LSAMP: variants seen among roughly 807,000 people sequenced by gnomAD.
LSAMP encodes the protein limbic system-associated membrane protein.
LSAMP carries 7 observed loss-of-function variants against 38.6 expected under a neutral mutation model. The observed-to-expected ratio is 0.18, with a 90% confidence interval of 0.10 to 0.34. The LOEUF is 0.34. Ranked by LOEUF, LSAMP falls within the 10% of genes least tolerant of loss-of-function variation. The probability of loss-of-function intolerance (pLI) is 1.00; values close to 1 mark genes in which losing one functional copy is unlikely to be tolerated. For synonymous variants in LSAMP, 154 were observed against 166.8 expected (o/e 0.92, Z 0.59); for missense variants, 313 against 420.0 (o/e 0.75, Z 2.23).
intron 1 of LSAMP, among the ~76,000 whole-genome samples, chr3:116,315,812 C>T (rs960728279): frequency 2.6e-5 from 4 of 152,122 alleles, no homozygotes; most frequent in African/African-American, 4.8e-5. Flanking sequence ...AGCATGGCAC[C>T]ATCACTCAAT....
intron 3 of LSAMP, among the ~76,000 whole-genome samples, chr3:115,935,244 T>G (rs1268834919): frequency 6.6e-6 from 1 of 152,190 alleles, no homozygotes; most frequent in Admixed American, 6.5e-5. Flanking sequence ...AGTTTTGTAC[T>G]GTGCTCAGTT....
At chr3:116,225,086 T>A (rs1434458091) in intron 1 of LSAMP, among the ~76,000 whole-genome samples, 2 of 152,162 alleles carry the variant, frequency 1.3e-5, no homozygotes, top group South Asian at 4.1e-4. Flanking sequence ...AATTTGAATA[T>A]GGACAATGTG....
At chr3:116,258,236 C>T (rs1354183998) in intron 1 of LSAMP, among the ~76,000 whole-genome samples, 2 of 152,004 alleles carry the variant, frequency 1.3e-5, no homozygotes, top group African/African-American at 4.8e-5. Flanking sequence ...TCCGTCTTCT[C>T]CCAAATTATT....
chr3:116,404,647 C>T (rs2048878993), intron 1 of LSAMP, among the ~76,000 whole-genome samples: 1 of 152,152 alleles, frequency 6.6e-6, no homozygotes, highest in South Asian at 2.1e-4. Context: ...TACAGATATA[C>T]TATCTCACAA....
At chr3:116,425,490 T>C (rs984812120) in intron 1 of LSAMP, among the ~76,000 whole-genome samples, 8 of 152,216 alleles carry the variant, frequency 5.3e-5, no homozygotes, top group Non-Finnish European at 1.0e-4. Context: ...CAACTAGTTG[T>C]TTGACCATAG....
chr3:116,166,821 CT>C (rs1710064725), intron 1 of LSAMP, among the ~76,000 whole-genome samples: 1 of 128,616 alleles, frequency 7.8e-6, no homozygotes, highest in South Asian at 2.5e-4. Context: ...GAGTCTCACT[CT>C]GTCTGTCACC....
chr3:116,079,596 C>G (rs925601944), intron 2 of LSAMP, among the ~76,000 whole-genome samples: 2 of 144,256 alleles, frequency 1.4e-5, no homozygotes, highest in Non-Finnish European at 3.0e-5. Context: ...CAGGCCACTG[C>G]GCTCCAGCCT....
intron 1 of LSAMP, among the ~76,000 whole-genome samples, chr3:116,139,287 C>T (rs1462472264): frequency 6.6e-6 from 1 of 151,880 alleles, no homozygotes; most frequent in Non-Finnish European, 1.5e-5. Context: ...TGACTCTTTG[C>T]CTTTAAACTT....
intron 1 of LSAMP, among the ~76,000 whole-genome samples, chr3:116,326,321 A>G (rs2047772065): frequency 6.6e-6 from 1 of 152,100 alleles, no homozygotes; most frequent in Non-Finnish European, 1.5e-5. Flanking sequence ...AAAATAACAT[A>G]ATTGTTTTTC....
At chr3:116,419,193 A>G (rs1043740655) in intron 1 of LSAMP, among the ~76,000 whole-genome samples, 17 of 152,232 alleles carry the variant, frequency 1.1e-4, no homozygotes, top group African/African-American at 3.6e-4. Flanking sequence ...AAATGAAACA[A>G]TACTGCCTGG....
chr3:116,167,241 C>A (rs113356210), intron 1 of LSAMP, among the ~76,000 whole-genome samples: 199 of 152,124 alleles, frequency 1.3e-3, no homozygotes, highest in African/African-American at 4.6e-3. Context: ...TTGCCCTTAT[C>A]CCCCCTCCAA....
chr3:116,019,886 T>C (rs1371506985), intron 2 of LSAMP, among the ~76,000 whole-genome samples: 5 of 152,302 alleles, frequency 3.3e-5, no homozygotes, highest in East Asian at 3.9e-4. Context: ...ATACACAAAG[T>C]AGTATGATGA....
At chr3:115,909,949 T>C (rs971417154) in intron 3 of LSAMP, among the ~76,000 whole-genome samples, 1 of 152,220 alleles carries the variant, frequency 6.6e-6, no homozygotes, top group Non-Finnish European at 1.5e-5. Flanking sequence ...AATATGTTTA[T>C]GGTAGTTATT....
At chr3:115,875,182 A>G (rs1936149942) in intron 3 of LSAMP, among the ~76,000 whole-genome samples, 2 of 152,172 alleles carry the variant, frequency 1.3e-5, no homozygotes, top group Non-Finnish European at 2.9e-5. Context: ...TATTTTCCTC[A>G]GAAGAGATGT....
intron 3 of LSAMP, among the ~76,000 whole-genome samples, chr3:115,877,254 G>GTTTT (rs111822478): frequency 6.7e-6 from 1 of 148,716 alleles, no homozygotes; most frequent in South Asian, 2.1e-4. Flanking sequence ...AAAGCTCCCT[G>GTTTT]TTTTTTTTTT....
At chr3:116,025,464 T>C (rs1340461430) in intron 2 of LSAMP, among the ~76,000 whole-genome samples, 1 of 152,194 alleles carries the variant, frequency 6.6e-6, no homozygotes, top group Non-Finnish European at 1.5e-5. Context: ...TTGTATCTAT[T>C]GATCGCTCTT....
At chr3:115,965,581 C>A in intron 3 of LSAMP, among the ~76,000 whole-genome samples, 1 of 148,714 alleles carries the variant, frequency 6.7e-6, no homozygotes. Flanking sequence ...AGCTATGATA[C>A]CAACTAGAAG....
chr3:116,112,969 A>ATTT (rs528068600), intron 1 of LSAMP, among the ~76,000 whole-genome samples: 5 of 145,666 alleles, frequency 3.4e-5, no homozygotes, highest in African/African-American at 9.9e-5. Context: ...TCCAGTACTC[A>ATTT]TTTTTTTTTT....
intron 1 of LSAMP, among the ~76,000 whole-genome samples, chr3:116,197,163 A>ACACACACACACACC (rs1268040540): frequency 7.2e-6 from 1 of 139,088 alleles, no homozygotes; most frequent in African/African-American, 2.6e-5. Context: ...ACACACACAC[A>ACACACACACACACC]CTCTCTCTCT....
Sources: gnomAD v4.1 joint callset for allele counts (sites outside exome capture counted in the v4.1 genomes callset) on GRCh38, gnomAD v4.1.1 for gene constraint, MANE v1.5 for transcripts, NCBI Gene and HGNC (gene_info 2026-07-23, HGNC 2026-07-21) for gene names.